Variants in CFAP92 observed in about 807,000 individuals in gnomAD.
CFAP92 encodes the protein cilia and flagella associated protein 92 (putative), also known as uncharacterized protein CFAP92.
In CFAP92, 86 loss-of-function variants were observed where a neutral mutation model predicts 106.3. That is an observed-to-expected ratio of 0.81 (90% confidence interval 0.68 to 0.97). The LOEUF (loss-of-function observed/expected upper bound fraction) is 0.97. Ranked by LOEUF, CFAP92 falls within the 50% of genes least tolerant of loss-of-function variation. The pLI, the probability that CFAP92 is intolerant of heterozygous loss-of-function variation, is 0.00. For missense variants in CFAP92, 1,204 were observed against 1,283.8 expected (o/e 0.94, Z 0.95); for synonymous variants, 477 against 506.4 (o/e 0.94, Z 0.78).
chr3:128,947,141 G>A (rs924749212), intron 9 of CFAP92, among the ~76,000 whole-genome samples: 8 of 151,958 alleles, frequency 5.3e-5, no homozygotes, highest in Non-Finnish European at 1.0e-4. Context: ...AGATCCCTAG[G>A]TGTCCCCCCA....
intron 10 of CFAP92, among the ~76,000 whole-genome samples, chr3:128,941,370 CTA>C (rs1292968893): frequency 6.7e-6 from 1 of 148,566 alleles, no homozygotes; most frequent in Non-Finnish European, 1.5e-5. Context: ...TCTGCAACAA[CTA>C]TAGTTATGTC....
the CFAP92 span, among the ~76,000 whole-genome samples, chr3:129,025,315 G>A: frequency 6.6e-6 from 1 of 152,126 alleles, no homozygotes; most frequent in African/African-American, 2.4e-5. Flanking sequence ...GCAAAATGGC[G>A]AAGAGTGCCA....
upstream of CFAP92, chr3:129,003,888 T>TGGCTGCGGCGGAGGCCCGCGCTGGGC: frequency 7.2e-7 from 1 of 1,392,324 alleles, no homozygotes; most frequent in Non-Finnish European, 9.3e-7. Context: ...CAGGGCGCCC[T>TGGCTGCGGCGGAGGCCCGCGCTGGGC]GGCTGCGGCG....
chr3:128,961,987 C>T (rs904657435), intron 9 of CFAP92, among the ~76,000 whole-genome samples: 10 of 152,152 alleles, frequency 6.6e-5, no homozygotes, highest in African/African-American at 1.9e-4. Context: ...GCTACAAGTG[C>T]CAGAAATCTG....
chr3:128,961,897 A>G (rs1009914273), intron 9 of CFAP92, among the ~76,000 whole-genome samples: 2 of 152,208 alleles, frequency 1.3e-5, no homozygotes, highest in Admixed American at 6.5e-5. Flanking sequence ...TCCCAGCCAC[A>G]TCTCCAGCAC....
At chr3:129,002,211 CCTGA>C in intron 1 of CFAP92, 5 of 1,526,802 alleles carry the variant, frequency 3.3e-6, no homozygotes, top group Non-Finnish European at 2.6e-6. Context: ...CGACAGCGGT[CCTGA>C]CTGTGAGCGC....
chr3:128,927,132 T>C (rs1442273135), intron 12 of CFAP92, among the ~76,000 whole-genome samples: 1 of 152,018 alleles, frequency 6.6e-6, no homozygotes, highest in Non-Finnish European at 1.5e-5. Context: ...ACTCTCTCCA[T>C]TCACACACAA....
chr3:128,956,343 T>C (rs1941420731), intron 9 of CFAP92, among the ~76,000 whole-genome samples: 1 of 151,510 alleles, frequency 6.6e-6, no homozygotes, highest in Non-Finnish European at 1.5e-5. Context: ...AGAACTAATA[T>C]TCATGTCATT....
chr3:128,985,012 T>C (rs889982326), intron 4 of CFAP92, among the ~76,000 whole-genome samples: 3 of 152,188 alleles, frequency 2.0e-5, no homozygotes, highest in Admixed American at 6.5e-5. Context: ...AATCATGTGG[T>C]TTTAATTTTT....
At position 128,945,600 on chromosome 3, in the gene CFAP92, G is replaced by T. The variant is rs1417821510; in HGVS notation, c.1729C>A (p.His577Asn). The change falls in exon 10 of 16, where the codon CAC (histidine) becomes AAC (asparagine). Residue 577 changes from histidine (H) to asparagine (N), a missense_variant. Coordinates refer to ENST00000645291, the MANE Select transcript of CFAP92 (RefSeq NM_001394090.1). ...QVSFADLLLGHKYLNLAVPIH... is the reference protein window; with the variant it reads ...QVSFADLLLGNKYLNLAVPIH... ...GGGACGGCCAGATTCAAGTACTTGT[G>T]GCCAAGGAGGAGGTCAGCAAAACTG... The T allele has an allele frequency of 1.3e-6, 2 of 1,535,980 alleles. No individual in the cohort carries two copies. The highest frequency in any genetic ancestry group is 2.7e-5 in the African/African-American group (2 of 73,002).
At chr3:128,933,902 C>T (rs1391844523) in intron 11 of CFAP92, among the ~76,000 whole-genome samples, 1 of 152,026 alleles carries the variant, frequency 6.6e-6, no homozygotes, top group Admixed American at 6.5e-5. Context: ...CCAGCCTCCT[C>T]CTCCTCCTTC....
intron 1 of CFAP92, chr3:128,993,761 G>T (rs920510093): frequency 5.7e-5 from 17 of 299,078 alleles, no homozygotes; most frequent in Non-Finnish European, 4.2e-5. Flanking sequence ...GCACGTGCAG[G>T]AGCCTGGCGA....
chr3:128,930,344 G>C (rs1375208736), intron 12 of CFAP92, among the ~76,000 whole-genome samples: 1 of 151,910 alleles, frequency 6.6e-6, no homozygotes. Context: ...GTAGAGATGG[G>C]GTTTCATTGT....
rs765494366 is a variant in CFAP92, at chr3:128,978,033, T to G, written c.808+12A>C. ...TGCACTCAGCTTGTCCACAAAGGCC[T>G]TCTCCGCTCACCTTGCAAAGACTTT... On this transcript the variant is annotated intron_variant, in intron 5 of 15. Transcript: ENST00000645291. 5.0e-6 allele frequency: 8 copies of G among 1,613,834 alleles called. No homozygotes were observed. The highest frequency in any genetic ancestry group is 6.8e-6 in the Non-Finnish European group (8 of 1,179,796).
At chr3:128,937,521 A>G (rs1436044512) in intron 10 of CFAP92, among the ~76,000 whole-genome samples, 1 of 151,656 alleles carries the variant, frequency 6.6e-6, no homozygotes, top group Non-Finnish European at 1.5e-5. Flanking sequence ...AATGGCGTGA[A>G]CTCAGGAGGC....
chr3:128,924,094 G>A lies in CFAP92; in HGVS notation c.2752-7823C>T, dbSNP rs374193016. On this transcript the variant is annotated intron_variant, in intron 12 of 15. Transcript: ENST00000645291. ...GAGAACAAGCTATGATAGCTGTGGCGGTTTTACAAAAAAGAAAAGGGGGCA... is the reference window on the plus strand; with the variant it reads ...GAGAACAAGCTATGATAGCTGTGGCAGTTTTACAAAAAAGAAAAGGGGGCA... Among the ~76,000 whole-genome samples the A allele has an allele frequency of 5.9e-5, 9 of 152,240 alleles. No individual in the cohort carries two copies. The South Asian group carries it at 6.2e-4, about 11-fold the overall frequency.
At chr3:128,912,418 G>A in intron 15 of CFAP92, 1 of 1,199,160 alleles carries the variant, frequency 8.3e-7, no homozygotes, top group Non-Finnish European at 1.2e-6. Flanking sequence ...TGGGTGGGCT[G>A]ACTTTGTGGA....
chr3:128,925,705 T>C (rs961046140), intron 12 of CFAP92, among the ~76,000 whole-genome samples: 13 of 152,184 alleles, frequency 8.5e-5, no homozygotes, highest in Non-Finnish European at 1.3e-4. Context: ...TAACAAGTTC[T>C]AGAAACCCAT....
intron 12 of CFAP92, among the ~76,000 whole-genome samples, chr3:128,920,646 A>G (rs906742193): frequency 5.3e-5 from 8 of 152,140 alleles, no homozygotes; most frequent in African/African-American, 1.9e-4. Flanking sequence ...AGAGTCTTGG[A>G]ACATGTCCGG....
Sources: gnomAD v4.1 joint callset for allele counts (sites outside exome capture counted in the v4.1 genomes callset) on GRCh38, gnomAD v4.1.1 for gene constraint, MANE v1.5 for transcripts, NCBI Gene and HGNC (gene_info 2026-07-23, HGNC 2026-07-21) for gene names.